Variants in MTMR3 observed in about 807,000 individuals in gnomAD.
MTMR3 encodes the protein phosphatidylinositol-3,5-bisphosphate 3-phosphatase MTMR3.
In MTMR3, 32 loss-of-function variants were observed where a neutral mutation model predicts 132.4. The observed-to-expected ratio is 0.24, with a 90% CI of 0.18 to 0.32. The LOEUF (loss-of-function observed/expected upper bound fraction) is 0.32. Among genes scored for constraint, MTMR3 ranks in the 10% least tolerant of loss-of-function variants. The pLI is 1.00. For missense variants in MTMR3, 1,216 were observed against 1,489.6 expected (o/e 0.82, Z 3.02); for synonymous variants, 556 against 550.3 (o/e 1.01, Z -0.14).
intron 2 of MTMR3, among the ~76,000 whole-genome samples, chr22:29,966,000 T>G (rs1417071699): frequency 6.6e-6 from 1 of 152,184 alleles, no homozygotes. Flanking sequence ...GAGGTAGAAT[T>G]GCCATTATGG....
intron 2 of MTMR3, among the ~76,000 whole-genome samples, chr22:29,967,870 A>G (rs777932423): frequency 6.6e-6 from 1 of 151,680 alleles, no homozygotes; most frequent in Non-Finnish European, 1.5e-5. Flanking sequence ...TGTGTCATGT[A>G]TCAGTATTTT....
chr22:29,959,480 G>A (rs1400740281), intron 2 of MTMR3, among the ~76,000 whole-genome samples: 4 of 152,130 alleles, frequency 2.6e-5, no homozygotes, highest in African/African-American at 9.7e-5. Flanking sequence ...CTGGGTTCAA[G>A]CAATTCTCCT....
rs2067703683 is a variant in MTMR3 at position 30,019,965 on chromosome 22, A to G, written c.2306A>G (p.Gln769Arg). The G allele has an allele frequency of 6.2e-7, 1 of 1,614,102 alleles. No individual in the cohort carries two copies. Among genetic ancestry groups the G allele is most frequent in the Admixed American group, 1.7e-5 (1 of 60,006 alleles). Residue 769 changes from glutamine (Q) to arginine (R), a missense_variant, in exon 17 of 20, where the codon CAG becomes CGG. Transcript: ENST00000401950. ...PLFSQGISEQ[Q>R]SGLSVLLSSL... ...TTCTCACAGGGCATTTCTGAACAGC[A>G]GAGTGGGCTCAGTGTTCTCCTCAGT...
Position 30,019,924 on chromosome 22 carries a change from T to A in MTMR3, c.2265T>A (p.Asp755Glu). Residue 755 changes from aspartate to glutamate, a missense_variant, in exon 17 of 20, where the codon GAT becomes GAA. Asp to Glu is a conservative substitution (Grantham distance 45, BLOSUM62 2). Coordinates refer to ENST00000401950, the MANE Select transcript of MTMR3 (RefSeq NM_021090.4). ...ATGCTGCTCTGAGGAGCCATCTGGA[T>A]ATGAGCTGGCCTCTGTTCTCACAGG... ...LGDAALRSHL[D>E]MSWPLFSQGI... 6.2e-7 allele frequency: 1 copy of A among 1,614,144 alleles called. No homozygotes were observed. The highest frequency in any genetic ancestry group is 2.2e-5 in the East Asian group (1 of 44,874).
intron 3 of MTMR3, among the ~76,000 whole-genome samples, chr22:29,972,861 G>A (rs934814298): frequency 5.3e-5 from 8 of 152,214 alleles, no homozygotes; most frequent in African/African-American, 1.9e-4. Context: ...ATGAGCTGCT[G>A]TGCCCCATTG....
chr22:29,977,862 T>C (rs1042033927), intron 3 of MTMR3, among the ~76,000 whole-genome samples: 1 of 152,146 alleles, frequency 6.6e-6, no homozygotes, highest in Non-Finnish European at 1.5e-5. Flanking sequence ...AAAAGTAGTG[T>C]GGGGCTGGGC....
intron 1 of MTMR3, among the ~76,000 whole-genome samples, chr22:29,927,606 G>C (rs1472714000): frequency 1.3e-5 from 2 of 151,942 alleles, no homozygotes; most frequent in African/African-American, 4.8e-5. Flanking sequence ...TCTGTTCTTA[G>C]TGGTAGTGGT....
intron 1 of MTMR3, among the ~76,000 whole-genome samples, chr22:29,890,502 A>G (rs548481749): frequency 6.6e-6 from 1 of 152,128 alleles, no homozygotes; most frequent in African/African-American, 2.4e-5. Context: ...TGGGCCACAG[A>G]GTGAGACTCA....
At chr22:29,974,485 T>G (rs2066594518) in intron 3 of MTMR3, among the ~76,000 whole-genome samples, 1 of 152,182 alleles carries the variant, frequency 6.6e-6, no homozygotes, top group African/African-American at 2.4e-5. Flanking sequence ...AAAAGAACAT[T>G]TGTTTGATTA....
chr22:29,964,128 A>G (rs185378288), intron 2 of MTMR3, among the ~76,000 whole-genome samples: 1 of 152,260 alleles, frequency 6.6e-6, no homozygotes, highest in East Asian at 1.9e-4. Context: ...TCTGTATCTT[A>G]TTTACTGAGT....
At chr22:29,997,412 C>T (rs1476401394) in intron 7 of MTMR3, 1 of 152,194 alleles carries the variant, frequency 6.6e-6, no homozygotes, top group Non-Finnish European at 1.5e-5. Context: ...TGGTTTCTTC[C>T]AGCCCTGCTA....
chr22:29,988,746 GT>G (rs547885854), intron 6 of MTMR3, 184 bp downstream of exon 6: 10,119 of 272,816 alleles, frequency 0.037, 12 homozygotes, highest in East Asian at 0.046. Context: ...GTTGAAAGAT[GT>G]TTTTTTTTTT....
chr22:29,969,086 C>A (rs9625894), intron 2 of MTMR3, among the ~76,000 whole-genome samples: 15,410 of 152,234 alleles, frequency 0.1, 809 homozygotes, highest in Middle Eastern at 0.14. Context: ...TCTTCTTGAT[C>A]TCTAGTCTGG....
At chr22:30,010,240 C>T (rs2067381307) in intron 12 of MTMR3, 1 of 152,246 alleles carries the variant, frequency 6.6e-6, no homozygotes, top group Non-Finnish European at 1.5e-5. Flanking sequence ...GGTTTAACTA[C>T]TGTAGATCTC....
intron 1 of MTMR3, among the ~76,000 whole-genome samples, chr22:29,896,413 G>A (rs770500320): frequency 2.0e-5 from 3 of 152,222 alleles, no homozygotes; most frequent in East Asian, 3.9e-4. Flanking sequence ...GCAATTTCTC[G>A]TGTAGTTGTA....
rs373385003 is a variant in MTMR3, at chr22:30,013,478, T to C, written c.1440T>C (p.Leu480=). The change falls in exon 14 of 20, where the codon CTT becomes CTC. Residue 480 remains leucine (L), a synonymous_variant. Transcript: ENST00000401950. The part of the protein sequence containing the change: ...NERCPVFLQW[L]DCVHQLQRQF... Reference sequence around the variant, plus strand: ...GTTGCCCAGTGTTTCTGCAGTGGCTTGACTGTGTTCATCAGCTTCAGAGGC... The same window carrying C: ...GTTGCCCAGTGTTTCTGCAGTGGCTCGACTGTGTTCATCAGCTTCAGAGGC... 1.2e-6 allele frequency: 2 copies of C among 1,614,050 alleles called. No homozygotes were observed. Among genetic ancestry groups the C allele is most frequent in the African/African-American group, 2.7e-5 (2 of 74,930 alleles).
Position 30,028,068 on chromosome 22 carries a change from A to T in MTMR3, c.*2267A>T, listed in dbSNP as rs1333499779. ...GCATTTCCTCAGTGATTTTGCTCCT[A>T]AAATCTCCCAGGCTAAAAGAGGGCA... On this transcript the variant is annotated 3_prime_UTR_variant, in exon 20 of 20. Transcript: ENST00000401950. The T allele has an allele frequency of 4.6e-5, 7 of 152,374 alleles. No homozygotes were observed. The highest frequency in any genetic ancestry group is 1.7e-4 in the African/African-American group (7 of 41,458). 9.4% of individuals were successfully genotyped at this position (152,374 alleles called of 1,614,324 possible).
rs746458888 is a variant in MTMR3 at position 30,020,734 on chromosome 22, C to T, written c.3075C>T (p.Asp1025=). 6.2e-7 allele frequency: 1 copy of T among 1,614,218 alleles called. No individual in the cohort carries two copies. Among genetic ancestry groups the T allele is most frequent in the Admixed American group, 1.7e-5 (1 of 60,020 alleles). Residue 1025 remains aspartate (D), a synonymous_variant, in exon 17 of 20, where the codon GAC becomes GAT. Transcript: ENST00000401950. ...LDDDGMSVYT[D]TIQQRLRQIE... ...ATGATGGCATGTCAGTGTACACAGA[C>T]ACGATCCAACAGCGCCTGCGTCAGA...
rs571367285 is a variant in MTMR3 at position 29,933,738 on chromosome 22, T to G, written c.-137-23298T>G. Among the ~76,000 whole-genome samples, 4 of 151,322 alleles carry G rather than the reference T, an allele frequency of 2.6e-5. No individual in the cohort carries two copies. The East Asian group carries it at 7.8e-4, about 29-fold the overall frequency. On this transcript the variant is annotated intron_variant, in intron 1 of 19. Coordinates refer to ENST00000401950, the MANE Select transcript of MTMR3 (RefSeq NM_021090.4). ...ACCCAACAGAGCAGTTCTGTGTTTT[T>G]TTTTTTTTTTTTTTAGGAGACTGGG...
Sources: allele counts gnomAD v4.1 joint callset (sites outside exome capture counted in the v4.1 genomes callset), GRCh38; gene constraint gnomAD v4.1.1; transcripts MANE v1.5; gene names NCBI Gene and HGNC (gene_info 2026-07-23, HGNC 2026-07-21).